Variants in TTC27 observed in about 807,000 individuals in gnomAD.
TTC27 encodes tetratricopeptide repeat domain 27.
Under a neutral mutation model 115.9 loss-of-function variants are expected in TTC27, and 79 were observed. The ratio of observed to expected loss-of-function variants is 0.68; its 90% CI spans 0.57 to 0.82. TTC27 has a LOEUF of 0.82. Ranked by LOEUF, TTC27 falls within the 40% of genes least tolerant of loss-of-function variation. The pLI is 0.00. For missense variants in TTC27, 1,054 were observed against 993.1 expected (o/e 1.06, Z -0.82); for synonymous variants, 401 against 356.0 (o/e 1.13, Z -1.42).
chr2:32,754,110 AAAATT>A (rs1013732890), intron 12 of TTC27, among the ~76,000 whole-genome samples: 1 of 150,624 alleles, frequency 6.6e-6, no homozygotes, highest in Non-Finnish European at 1.5e-5. Flanking sequence ...AAATAAATAA[AAAATT>A]AAAGAACTAA....
intron 12 of TTC27, among the ~76,000 whole-genome samples, chr2:32,749,679 A>G (rs548739241): frequency 2.7e-4 from 41 of 152,360 alleles, no homozygotes; most frequent in African/African-American, 9.4e-4. Context: ...TGTTGAAGCT[A>G]GAATCAAGTT....
intron 8 of TTC27, among the ~76,000 whole-genome samples, chr2:32,675,296 C>T (rs1451637766): frequency 2.0e-5 from 3 of 152,162 alleles, no homozygotes; most frequent in Non-Finnish European, 4.4e-5. Flanking sequence ...TTGGCAAGTT[C>T]ATAATTGTCA....
At chr2:32,630,318 A>G (rs909160675) in intron 1 of TTC27, among the ~76,000 whole-genome samples, 3 of 152,206 alleles carry the variant, frequency 2.0e-5, no homozygotes, top group African/African-American at 7.2e-5. Flanking sequence ...CATAGTCAGT[A>G]TGAGTGAGCT....
intron 13 of TTC27, among the ~76,000 whole-genome samples, chr2:32,771,118 T>G (rs749020469): frequency 6.6e-6 from 1 of 152,176 alleles, no homozygotes; most frequent in Admixed American, 6.5e-5. Flanking sequence ...GATTCTGAAT[T>G]CTGGTAATCC....
intron 10 of TTC27, among the ~76,000 whole-genome samples, chr2:32,723,684 C>T (rs1479845461): frequency 1.3e-5 from 2 of 149,562 alleles, no homozygotes; most frequent in Non-Finnish European, 3.0e-5. Context: ...TATTGTTAGA[C>T]TCAGCTCCTT....
At chr2:32,788,624 C>T (rs946204339) in intron 16 of TTC27, among the ~76,000 whole-genome samples, 37 of 152,190 alleles carry the variant, frequency 2.4e-4, no homozygotes, top group African/African-American at 8.9e-4. Context: ...TGGGATTTCC[C>T]CTCTAAATCT....
chr2:32,637,976 G>T (rs1451927826), intron 3 of TTC27, among the ~76,000 whole-genome samples: 1 of 152,222 alleles, frequency 6.6e-6, no homozygotes, highest in African/African-American at 2.4e-5. Flanking sequence ...TCCTGGCCAT[G>T]TCCTTGAGGC....
At chr2:32,664,989 C>T (rs891566112) in intron 6 of TTC27, among the ~76,000 whole-genome samples, 12 of 151,870 alleles carry the variant, frequency 7.9e-5, no homozygotes, top group Non-Finnish European at 8.8e-5. Context: ...CCCACCACCA[C>T]GCCTGGCTAA....
intron 9 of TTC27, among the ~76,000 whole-genome samples, chr2:32,691,209 A>G (rs1160204174): frequency 6.6e-6 from 1 of 152,184 alleles, no homozygotes; most frequent in Non-Finnish European, 1.5e-5. Flanking sequence ...TTTCTGGGGC[A>G]TGAGGGAAAT....
At chr2:32,675,696 C>T (rs1666172575) in intron 8 of TTC27, among the ~76,000 whole-genome samples, 1 of 151,966 alleles carries the variant, frequency 6.6e-6, no homozygotes, top group African/African-American at 2.4e-5. Flanking sequence ...TCTGTCTGAT[C>T]CCTGTGGTCG....
chr2:32,779,840 G>A (rs1430323399), intron 14 of TTC27, among the ~76,000 whole-genome samples: 3 of 151,998 alleles, frequency 2.0e-5, no homozygotes, highest in African/African-American at 4.8e-5. Flanking sequence ...TAAGGAAGGG[G>A]TCCAACTTCA....
intron 12 of TTC27, 45 bp from the exon 13 acceptor site, chr2:32,758,244 TAGC>T (rs1282408916): frequency 9.4e-6 from 14 of 1,486,712 alleles, no homozygotes; most frequent in Non-Finnish European, 1.3e-5. Flanking sequence ...AAAAAAAAAA[TAGC>T]AGTTAATCAC....
chr2:32,675,785 C>CTT (rs377074857), intron 8 of TTC27, among the ~76,000 whole-genome samples: 1 of 146,860 alleles, frequency 6.8e-6, no homozygotes. Context: ...AAGGTGAATT[C>CTT]TTTTTTTTTT....
At chr2:32,698,632 A>G (rs1167708149) in intron 9 of TTC27, among the ~76,000 whole-genome samples, 1 of 151,488 alleles carries the variant, frequency 6.6e-6, no homozygotes, top group Non-Finnish European at 1.5e-5. Context: ...GGCGCCCCCC[A>G]CCACGCCTGG....
At chr2:32,688,523 AT>A (rs1246309293) in intron 9 of TTC27, among the ~76,000 whole-genome samples, 2 of 152,136 alleles carry the variant, frequency 1.3e-5, no homozygotes, top group Non-Finnish European at 2.9e-5. Context: ...CACGGCATGT[AT>A]CTCACAAAAG....
chr2:32,650,353 CTTT>C (rs368973893), intron 5 of TTC27, 120 bp downstream of exon 5: 15,044 of 208,142 alleles, frequency 0.072, no homozygotes, highest in East Asian at 0.096. Flanking sequence ...TGAGTTGTTT[CTTT>C]TTTTTTTTTT....
intron 9 of TTC27, 105 bp downstream of exon 9, chr2:32,679,027 G>A: frequency 1.1e-6 from 1 of 915,710 alleles, no homozygotes; most frequent in Non-Finnish European, 1.7e-6. Flanking sequence ...TGCCACCTAA[G>A]GAAATAAGGT....
chr2:32,661,053 A>G (rs1167800050), intron 5 of TTC27, among the ~76,000 whole-genome samples: 1 of 152,024 alleles, frequency 6.6e-6, no homozygotes, highest in Non-Finnish European at 1.5e-5. Context: ...TGTTTTTGTC[A>G]TGTTTGTCAA....
chr2:32,806,915 T>G (rs1444430694), intron 16 of TTC27, among the ~76,000 whole-genome samples: 1 of 152,204 alleles, frequency 6.6e-6, no homozygotes, highest in African/African-American at 2.4e-5. Flanking sequence ...AGGGAATAAT[T>G]TTAAATTAAT....
Sources: gnomAD v4.1 joint callset for allele counts (sites outside exome capture counted in the v4.1 genomes callset) on GRCh38, gnomAD v4.1.1 for gene constraint, MANE v1.5 for transcripts, NCBI Gene and HGNC (gene_info 2026-07-23, HGNC 2026-07-21) for gene names.